GRM7: variants seen among roughly 807,000 people sequenced by gnomAD.
The protein encoded by GRM7 is glutamate metabotropic receptor 7.
In GRM7, 35 loss-of-function variants were observed where a neutral mutation model predicts 84.5. That is an observed-to-expected ratio of 0.41 (90% CI 0.32 to 0.55). The LOEUF (loss-of-function observed/expected upper bound fraction) is 0.55. Among genes scored for constraint, GRM7 ranks in the 20% least tolerant of loss-of-function variants. The pLI is 0.19. For missense variants in GRM7, 1,003 were observed against 1,194.6 expected, an observed-to-expected ratio of 0.84 and a Z score of 2.36; for synonymous variants, 487 against 455.1, an observed-to-expected ratio of 1.07 and a Z score of -0.89.
rs778564523 is a variant in GRM7, at chr3:7,680,153, T to C, written c.2556T>C (p.Pro852=). ...AAGTGTACATCATCATTTTCCACCC[T>C]GAACTCAATGTCCAGAAACGGAAGC... ...MPKVYIIIFH[P]ELNVQKRKRS... Residue 852 remains proline, a synonymous_variant, in exon 9 of 10, where the codon CCT becomes CCC. Transcript: ENST00000357716. 1.2e-6 allele frequency: 2 copies of C among 1,614,158 alleles called. No individual in the cohort carries two copies. Among genetic ancestry groups the C allele is most frequent in the South Asian group, 2.2e-5 (2 of 91,080 alleles).
At chr3:7,071,664 G>A (rs978301744) in intron 1 of GRM7, among the ~76,000 whole-genome samples, 1 of 151,974 alleles carries the variant, frequency 6.6e-6, no homozygotes, top group Non-Finnish European at 1.5e-5. Flanking sequence ...TTTGAGTGAG[G>A]CTAAATTATT....
intron 1 of GRM7, among the ~76,000 whole-genome samples, chr3:7,056,526 T>A (rs569543701): frequency 6.6e-6 from 1 of 151,978 alleles, no homozygotes; most frequent in South Asian, 2.1e-4. Context: ...CAAAACATTA[T>A]ATATCATCTT....
intron 8 of GRM7, chr3:7,606,905 ATCTT>A (rs1696602089): frequency 2.0e-5 from 3 of 152,160 alleles, no homozygotes; most frequent in Admixed American, 6.6e-5. Flanking sequence ...TGAAAAGAAA[ATCTT>A]TATTATCTAG....
chr3:7,042,182 T>C (rs112261709), intron 1 of GRM7, among the ~76,000 whole-genome samples: 2,141 of 152,128 alleles, frequency 0.014, 26 homozygotes, highest in South Asian at 0.027. Context: ...CAAGGAGTTG[T>C]AGGGGGAGGT....
chr3:7,549,033 T>C (rs1693312759), intron 7 of GRM7, among the ~76,000 whole-genome samples: 1 of 152,200 alleles, frequency 6.6e-6, no homozygotes, highest in South Asian at 2.1e-4. Flanking sequence ...AGAGAGTATG[T>C]ATCCTTGAGG....
intron 7 of GRM7, among the ~76,000 whole-genome samples, chr3:7,536,287 A>G (rs771713769): frequency 1.3e-5 from 2 of 152,162 alleles, no homozygotes; most frequent in Admixed American, 1.3e-4. Context: ...ACCAATAACT[A>G]TTACCAGTAT....
rs1401756533 is a variant in GRM7, at chr3:6,974,360, G to C, written c.519+112453G>C. 3.9e-5 allele frequency among the ~76,000 whole-genome samples: 6 copies of C among 152,136 alleles called. No homozygotes were observed. In the East Asian group the frequency reaches 9.6e-4, roughly 24 times the overall value. On this transcript the variant is annotated intron_variant, in intron 1 of 9. Coordinates refer to ENST00000357716, the MANE Select transcript of GRM7 (RefSeq NM_000844.4). ...ACAGTTGAGTGAAAGGGTTCTGGGG[G>C]TCCAATTGAGGACATCAATTTGGGA...
intron 4 of GRM7, among the ~76,000 whole-genome samples, chr3:7,334,497 A>T (rs1046709587): frequency 2.5e-5 from 2 of 79,908 alleles, no homozygotes; most frequent in Non-Finnish European, 5.5e-5. Flanking sequence ...ATAGAAAAAC[A>T]AAAACAAAAA....
intron 1 of GRM7, among the ~76,000 whole-genome samples, chr3:6,940,194 C>T (rs866980369): frequency 2.0e-5 from 3 of 152,066 alleles, no homozygotes; most frequent in South Asian, 2.1e-4. Flanking sequence ...CGGGTTCAAG[C>T]GATACTCCTG....
chr3:7,455,280 AT>A (rs912461807), intron 6 of GRM7, among the ~76,000 whole-genome samples: 3 of 152,172 alleles, frequency 2.0e-5, no homozygotes, highest in Admixed American at 6.5e-5. Context: ...CTAAGTAGTA[AT>A]TTTTTTAGGC....
intron 5 of GRM7, among the ~76,000 whole-genome samples, chr3:7,451,073 T>G (rs1432990980): frequency 6.6e-6 from 1 of 152,192 alleles, no homozygotes; most frequent in Non-Finnish European, 1.5e-5. Context: ...TTATTGTTTC[T>G]TCACTACACA....
intron 7 of GRM7, among the ~76,000 whole-genome samples, chr3:7,490,153 A>G (rs900222279): frequency 2.0e-5 from 3 of 152,192 alleles, no homozygotes; most frequent in African/African-American, 4.8e-5. Flanking sequence ...TTTAGTATAC[A>G]AAAGTTATAC....
At chr3:7,034,446 C>G (rs917566229) in intron 1 of GRM7, among the ~76,000 whole-genome samples, 1 of 152,152 alleles carries the variant, frequency 6.6e-6, no homozygotes, top group South Asian at 2.1e-4. Context: ...TAGATGATAA[C>G]TCCCACCAAT....
chr3:7,377,176 A>T (rs2125124900), intron 4 of GRM7, among the ~76,000 whole-genome samples: 1 of 152,318 alleles, frequency 6.6e-6, no homozygotes, highest in Admixed American at 6.5e-5. Context: ...CTGCATGGTC[A>T]GGAGGGGAGA....
At chr3:7,389,334 G>A (rs895947087) in intron 4 of GRM7, among the ~76,000 whole-genome samples, 2 of 152,092 alleles carry the variant, frequency 1.3e-5, no homozygotes, top group African/African-American at 4.8e-5. Flanking sequence ...GTGCAGATGA[G>A]AAGTTATATT....
intron 1 of GRM7, among the ~76,000 whole-genome samples, chr3:7,000,363 T>G (rs539756246): frequency 9.2e-5 from 14 of 152,136 alleles, no homozygotes; most frequent in African/African-American, 3.4e-4. Flanking sequence ...TTATTTTATT[T>G]TTTAGTAGAG....
intron 1 of GRM7, among the ~76,000 whole-genome samples, chr3:7,027,303 T>C (rs1696018594): frequency 6.6e-6 from 1 of 152,088 alleles, no homozygotes; most frequent in African/African-American, 2.4e-5. Context: ...AATTAGAATA[T>C]CTTAAAAATC....
intron 1 of GRM7, among the ~76,000 whole-genome samples, chr3:6,888,446 A>G (rs1159890746): frequency 6.6e-6 from 1 of 152,294 alleles, no homozygotes; most frequent in African/African-American, 2.4e-5. Context: ...AGCTTTCTAC[A>G]TATGGCTGGC....
At chr3:6,988,013 T>C (rs113249419) in intron 1 of GRM7, among the ~76,000 whole-genome samples, 1 of 149,682 alleles carries the variant, frequency 6.7e-6, no homozygotes, top group African/African-American at 2.5e-5. Context: ...TTTTTTTTTT[T>C]TCAGACGGAG....
Sources: gnomAD v4.1 joint callset for allele counts (sites outside exome capture counted in the v4.1 genomes callset) on GRCh38, gnomAD v4.1.1 for gene constraint, MANE v1.5 for transcripts, NCBI Gene and HGNC (gene_info 2026-07-23, HGNC 2026-07-21) for gene names.